The following POLR1A variants were observed in gnomAD, a reference collection of about 807,000 sequenced individuals.
POLR1A encodes RNA polymerase I subunit A, also known as DNA-directed RNA polymerase I subunit RPA1.
A neutral mutation model predicts 205.3 loss-of-function variants in POLR1A; 84 were observed. The observed-to-expected ratio is 0.41, with a 90% confidence interval of 0.34 to 0.49. The LOEUF is 0.49. Among genes scored for constraint, POLR1A ranks in the 20% least tolerant of loss-of-function variants. POLR1A has a pLI of 0.22. For synonymous variants in POLR1A, 799 were observed against 863.7 expected, an observed-to-expected ratio of 0.93 and a Z score of 1.31; for missense variants, 1,645 against 2,204.5, an observed-to-expected ratio of 0.75 and a Z score of 5.08.
rs546537593 is a variant in POLR1A at position 86,051,424 on chromosome 2, T to C, written c.2392+1393A>G. Among the ~76,000 whole-genome samples the C allele has an allele frequency of 5.5e-4, 83 of 152,092 alleles. 1 individual carries two copies. Among genetic ancestry groups the C allele is most frequent in the African/African-American group, 1.9e-3 (77 of 41,488 alleles). ...ATGATACAATTAAAATAGAATAAAA[T>C]GTATAATGCAGGCCCCAGTGTGGGC... is the stretch of plus-strand genomic sequence containing the variant. On this transcript the variant is annotated intron_variant, in intron 16 of 33. Coordinates refer to ENST00000263857, the MANE Select transcript of POLR1A (RefSeq NM_015425.6).
In POLR1A at chr2:86,044,163, G is replaced by C. The variant is rs534617217; in HGVS notation, c.3111C>G (p.Phe1037Leu). 6 of 1,614,062 alleles carry C rather than the reference G, an allele frequency of 3.7e-6. No homozygotes were observed. The East Asian group carries it at 1.3e-4, about 36-fold the overall frequency. Reference protein sequence around the residue: ...PKTQFLQPKQFPFLASNYEVI... With the variant: ...PKTQFLQPKQLPFLASNYEVI... The stretch of plus-strand genomic sequence containing the variant: ...CCTCGTAGTTGCTGGCCAGGAAGGG[G>C]AACTGCTTGGGCTGCAGGAACTGTG... Residue 1037 changes from phenylalanine (F) to leucine (L), a missense_variant, in exon 22 of 34, where the codon TTC (phenylalanine) becomes TTG (leucine). Physicochemically the swap from Phe to Leu is conservative, Grantham distance 22. Coordinates refer to ENST00000263857, the MANE Select transcript of POLR1A (RefSeq NM_015425.6).
At chr2:86,058,424 T>C (rs1229543923) in intron 14 of POLR1A, among the ~76,000 whole-genome samples, 1 of 135,462 alleles carries the variant, frequency 7.4e-6, no homozygotes, top group Non-Finnish European at 1.6e-5. Flanking sequence ...TTTTTTTAAA[T>C]AGAGATGGGG....
chr2:86,100,535 CTT>C (rs568031636), intron 1 of POLR1A, among the ~76,000 whole-genome samples: 55 of 137,532 alleles, frequency 4.0e-4, no homozygotes, highest in Admixed American at 5.1e-4. Context: ...ATTATTCTGT[CTT>C]TTTTTTTTTT....
intron 12 of POLR1A, among the ~76,000 whole-genome samples, chr2:86,074,431 C>T (rs1410188127): frequency 1.3e-5 from 2 of 152,182 alleles, no homozygotes; most frequent in East Asian, 3.8e-4. Flanking sequence ...TCTGCTACTC[C>T]CCTCCCAGCA....
chr2:86,098,930 T>C (rs1673759148), intron 2 of POLR1A, among the ~76,000 whole-genome samples, 170 bp from the exon 3 acceptor site: 1 of 152,198 alleles, frequency 6.6e-6, no homozygotes, highest in Non-Finnish European at 1.5e-5. Flanking sequence ...CAGATAAATA[T>C]TACCCTCTAT....
rs567539287 is a variant in POLR1A, at chr2:86,030,818, C to T, written c.4579-422G>A. On this transcript the variant is annotated intron_variant, in intron 30 of 33. Coordinates refer to ENST00000263857, the MANE Select transcript of POLR1A (RefSeq NM_015425.6). ...TAAGTGTGTGCACATGTCTAGGCAT[C>T]CAGATCATCCAGGCTTTAAGGGAAC... 5.3e-5 allele frequency among the ~76,000 whole-genome samples: 8 copies of T among 152,286 alleles called. No individual in the cohort carries two copies. The East Asian group carries it at 1.2e-3, about 22-fold the overall frequency.
chr2:86,043,508 G>A (rs760879449), intron 22 of POLR1A, among the ~76,000 whole-genome samples: 8 of 152,150 alleles, frequency 5.3e-5, no homozygotes, highest in Non-Finnish European at 8.8e-5. Flanking sequence ...GAGGGGAAGA[G>A]TGATGGCCAA....
chr2:86,064,830 T>C lies in POLR1A; in HGVS notation c.2058+444A>G, dbSNP rs183370888. On this transcript the variant is annotated intron_variant, in intron 14 of 33. Transcript: ENST00000263857. ...AGTGCAGTGGCTGATCCTGACTCACTACAACCTCCACCTCCTGGGTTCAAG... is the reference window on the plus strand; with the variant it reads ...AGTGCAGTGGCTGATCCTGACTCACCACAACCTCCACCTCCTGGGTTCAAG... Among the ~76,000 whole-genome samples the C allele has an allele frequency of 5.3e-3, 803 of 151,954 alleles. 9 individuals are homozygous for C. Among genetic ancestry groups the C allele is most frequent in the African/African-American group, 0.018 (762 of 41,464 alleles).
chr2:86,094,227 G>A (rs9309631), intron 3 of POLR1A, among the ~76,000 whole-genome samples: 7,265 of 152,214 alleles, frequency 0.048, 607 homozygotes, highest in African/African-American at 0.17. Context: ...CTTTGAAAGT[G>A]CGTTAGTAGC....
chr2:86,089,293 C>T (rs1349345239), intron 4 of POLR1A, among the ~76,000 whole-genome samples: 1 of 152,222 alleles, frequency 6.6e-6, no homozygotes, highest in Admixed American at 6.5e-5. Context: ...AGTGGCTCTG[C>T]ACCTGGCAGC....
At chr2:86,087,528 C>T (rs750682625) in intron 6 of POLR1A, among the ~76,000 whole-genome samples, 9 of 152,222 alleles carry the variant, frequency 5.9e-5, no homozygotes, top group Non-Finnish European at 8.8e-5. Context: ...AGCCAAGTGA[C>T]AATTGCAGGT....
At position 86,028,113 on chromosome 2, in the gene POLR1A, C is replaced by A; in HGVS notation, c.4898-64G>T. ...TGACCACGGGAGCAGTCAGCAGACA[C>A]AAGCCAAGCTGCCTCCACATCAGCA... On this transcript the variant is annotated intron_variant, in intron 32 of 33. Coordinates refer to ENST00000263857, the MANE Select transcript of POLR1A (RefSeq NM_015425.6). This position sits in a 1 kb window ranked among gnomAD's most constrained non-coding sequence, Gnocchi z 4.5. The A allele has an allele frequency of 6.6e-7, 1 of 1,522,824 alleles. No individual in the cohort carries two copies. Among genetic ancestry groups the A allele is most frequent in the Non-Finnish European group, 9.1e-7 (1 of 1,099,800 alleles). 94.3% of individuals were successfully genotyped at this position (1,522,824 alleles called of 1,614,324 possible).
In POLR1A at chr2:86,083,175, C is replaced by G; in HGVS notation, c.731-7G>C. 1.2e-6 allele frequency: 2 copies of G among 1,603,002 alleles called. No individual in the cohort carries two copies. Among genetic ancestry groups the G allele is most frequent in the South Asian group, 2.2e-5 (2 of 90,836 alleles). The stretch of plus-strand genomic sequence containing the variant: ...ATCTGAGCTTCCTCAATTCCTGGAG[C>G]CAAGGAGGAGAATCAAAGTGCAATA... On this transcript the variant is annotated splice_region_variant and splice_polypyrimidine_tract_variant and intron_variant, in intron 6 of 33. Coordinates refer to ENST00000263857, the MANE Select transcript of POLR1A (RefSeq NM_015425.6).
chr2:86,082,767 T>C (rs1280239662), intron 7 of POLR1A, among the ~76,000 whole-genome samples: 1 of 152,216 alleles, frequency 6.6e-6, no homozygotes, highest in Non-Finnish European at 1.5e-5. Context: ...GCATTTTACT[T>C]ACGGGCATTT....
chr2:86,068,699 C>T (rs559228809), intron 13 of POLR1A, among the ~76,000 whole-genome samples: 2 of 152,282 alleles, frequency 1.3e-5, no homozygotes, highest in East Asian at 3.9e-4. Context: ...CTTCTTCCTA[C>T]ATTTAGTCCC....
At chr2:86,059,431 T>C (rs1038236261) in intron 14 of POLR1A, among the ~76,000 whole-genome samples, 2 of 152,192 alleles carry the variant, frequency 1.3e-5, no homozygotes, top group African/African-American at 4.8e-5. Context: ...GGAAAATGCA[T>C]GCTTCAGGTA....
chr2:86,084,253 G>A (rs933537595), intron 6 of POLR1A, among the ~76,000 whole-genome samples: 3 of 152,044 alleles, frequency 2.0e-5, no homozygotes, highest in Admixed American at 6.6e-5. Flanking sequence ...GCAACAGAGC[G>A]AGACTCCGTC....
At position 86,100,156 on chromosome 2, in the gene POLR1A, A is replaced by C. The variant is rs1673786668; in HGVS notation, c.94T>G (p.Ser32Ala). ...AEELKKLSVK[S>A]ITNPRYLDSL... is the part of the protein sequence containing the mutation. ...TCCAGGTATCGAGGGTTCGTAATGG[A>C]TTTAACACTTAATTTCCTAAGGGGA... The change falls in exon 2 of 34, where the codon TCC (serine) becomes GCC (alanine). Residue 32 changes from serine to alanine, a missense_variant. Ser to Ala is a moderately conservative substitution (Grantham distance 99). Coordinates refer to ENST00000263857, the MANE Select transcript of POLR1A (RefSeq NM_015425.6). 1 of 1,613,600 alleles carries C rather than the reference A, an allele frequency of 6.2e-7. No homozygotes were observed. The highest frequency in any genetic ancestry group is 8.5e-7 in the Non-Finnish European group (1 of 1,179,616).
At chr2:86,067,768 A>G (rs1041596124) in intron 13 of POLR1A, among the ~76,000 whole-genome samples, 9 of 152,238 alleles carry the variant, frequency 5.9e-5, no homozygotes, top group African/African-American at 1.9e-4. Flanking sequence ...GCCAATAAAG[A>G]CATGTTGCAT....
Sources: allele counts gnomAD v4.1 joint callset (sites outside exome capture counted in the v4.1 genomes callset), GRCh38; gene constraint gnomAD v4.1.1; non-coding constraint Gnocchi (gnomAD v3.1); transcripts MANE v1.5; gene names NCBI Gene and HGNC (gene_info 2026-07-23, HGNC 2026-07-21).